PRKCB: variants seen among roughly 807,000 people sequenced by gnomAD.
PRKCB encodes protein kinase C beta type.
In PRKCB, 13 loss-of-function variants were observed where a neutral mutation model predicts 81.5. The observed-to-expected ratio is 0.16, with a 90% CI of 0.10 to 0.25. The LOEUF (loss-of-function observed/expected upper bound fraction) is 0.25. Ranked by LOEUF, PRKCB falls within the 10% of genes least tolerant of loss-of-function variation. The pLI, the probability that PRKCB is intolerant of heterozygous loss-of-function variation, is 1.00. For synonymous variants in PRKCB, 335 were observed against 321.4 expected (o/e 1.04, Z -0.45); for missense variants, 509 against 875.7 (o/e 0.58, Z 5.29).
intron 2 of PRKCB, among the ~76,000 whole-genome samples, chr16:23,881,478 C>T (rs770279067): frequency 7.9e-5 from 12 of 152,110 alleles, no homozygotes; most frequent in Non-Finnish European, 1.3e-4. Flanking sequence ...TCTTGAACTC[C>T]TAGCCTCAAG....
chr16:23,866,809 T>G (rs918932234), intron 2 of PRKCB, among the ~76,000 whole-genome samples: 5 of 152,164 alleles, frequency 3.3e-5, no homozygotes. Flanking sequence ...TGTGTTTCCG[T>G]CTCACTGCAT....
chr16:24,163,430 A>T (rs960287904), intron 10 of PRKCB, among the ~76,000 whole-genome samples: 2 of 152,228 alleles, frequency 1.3e-5, no homozygotes, highest in Non-Finnish European at 2.9e-5. Context: ...CCAGGCAAAT[A>T]GAGCTGGGGC....
intron 7 of PRKCB, among the ~76,000 whole-genome samples, chr16:24,105,701 T>A (rs903973681): frequency 6.6e-6 from 1 of 152,226 alleles, no homozygotes; most frequent in Admixed American, 6.5e-5. Flanking sequence ...GCAAAGGACA[T>A]GAACTCATCC....
Position 23,912,507 on chromosome 16 carries a change from C to CTTTTTTTTTTTTTTTTTTTT in PRKCB, c.205+75105_205+75124dup, listed in dbSNP as rs1210105406. Among the ~76,000 whole-genome samples, 50 of 72,086 alleles carry CTTTTTTTTTTTTTTTTTTTT rather than the reference C, an allele frequency of 6.9e-4. 3 individuals carry two copies. The highest frequency in any genetic ancestry group is 7.8e-4 in the Non-Finnish European group (33 of 42,190). 47.3% of individuals were successfully genotyped at this position (72,086 alleles called of 152,430 possible). ...TCTTCTTTTCCTTTCTTTCTTTCTTCTTTTTTTTTTTTTTTTTTTTTTTGA... is the reference window on the plus strand; with the variant it reads ...TCTTCTTTTCCTTTCTTTCTTTCTTCTTTTTTTTTTTTTTTTTTTTTTTTTTTTTTTTTTTTTTTTTTTGA... On this transcript the variant is annotated intron_variant, in intron 2 of 16. Transcript: ENST00000643927.
At chr16:24,125,637 C>T (rs1408486589) in intron 9 of PRKCB, among the ~76,000 whole-genome samples, 1 of 152,180 alleles carries the variant, frequency 6.6e-6, no homozygotes, top group East Asian at 1.9e-4. Context: ...TTGATTTTTT[C>T]TCTCTTCCCT....
chr16:24,009,485 C>T (rs1307716583), intron 3 of PRKCB, among the ~76,000 whole-genome samples: 5 of 148,112 alleles, frequency 3.4e-5, no homozygotes, highest in East Asian at 2.0e-4. Context: ...AGTGCAATGG[C>T]GTGATCCTGG....
intron 2 of PRKCB, among the ~76,000 whole-genome samples, chr16:23,965,045 G>A (rs1360010068): frequency 6.6e-6 from 1 of 152,140 alleles, no homozygotes; most frequent in Non-Finnish European, 1.5e-5. Flanking sequence ...ACATGTACAG[G>A]TTTGTTACAT....
rs536012196 is a variant in PRKCB at position 24,193,251 on chromosome 16, T to G, written c.1863+2021T>G. Among the ~76,000 whole-genome samples the G allele has an allele frequency of 3.5e-3, 533 of 152,052 alleles. 3 individuals carry two copies. The highest frequency in any genetic ancestry group is 6.8e-3 in the Middle Eastern group (2 of 294). ...TGAGCTCAGGAGTTCGAGATCAGCC[T>G]GGCCAACGTGGTAAAACCCCATCTC... On this transcript the variant is annotated intron_variant, in intron 16 of 16. Coordinates refer to ENST00000643927, the MANE Select transcript of PRKCB (RefSeq NM_002738.7).
At chr16:24,091,568 C>T (rs1474001012) in intron 5 of PRKCB, among the ~76,000 whole-genome samples, 2 of 152,086 alleles carry the variant, frequency 1.3e-5, no homozygotes, top group Non-Finnish European at 2.9e-5. Context: ...TTTCTATAGC[C>T]AGTTGCATCT....
intron 3 of PRKCB, among the ~76,000 whole-genome samples, chr16:24,021,741 G>T (rs1965407778): frequency 6.6e-6 from 1 of 152,076 alleles, no homozygotes; most frequent in Non-Finnish European, 1.5e-5. Flanking sequence ...CCTTGGGCAA[G>T]TTACTTCTCT....
chr16:23,909,657 C>T (rs1379901285), intron 2 of PRKCB, among the ~76,000 whole-genome samples: 2 of 152,128 alleles, frequency 1.3e-5, no homozygotes, highest in South Asian at 2.1e-4. Flanking sequence ...ACTCTATGTC[C>T]GTGCACACAC....
At chr16:23,946,778 A>G (rs1172510301) in intron 2 of PRKCB, among the ~76,000 whole-genome samples, 3 of 152,032 alleles carry the variant, frequency 2.0e-5, no homozygotes, top group African/African-American at 4.8e-5. Context: ...CTGGAATCCT[A>G]CATTTCTAAC....
intron 5 of PRKCB, among the ~76,000 whole-genome samples, chr16:24,046,846 C>CCCAAAA (rs1965772538): frequency 6.6e-6 from 1 of 152,022 alleles, no homozygotes; most frequent in Admixed American, 6.6e-5. Flanking sequence ...GTGTTTAGGC[C>CCCAAAA]CCAAAACCAC....
At chr16:23,858,822 G>A (rs1447575460) in intron 2 of PRKCB, among the ~76,000 whole-genome samples, 1 of 152,188 alleles carries the variant, frequency 6.6e-6, no homozygotes, top group Non-Finnish European at 1.5e-5. Flanking sequence ...GAGGCACTGA[G>A]CTGGATGCTT....
At chr16:24,120,067 A>G (rs1966781437) in intron 8 of PRKCB, among the ~76,000 whole-genome samples, 1 of 152,204 alleles carries the variant, frequency 6.6e-6, no homozygotes, top group African/African-American at 2.4e-5. Context: ...CATTTCAAGA[A>G]CATTTTGATG....
rs186347531 is a variant in PRKCB at position 24,006,189 on chromosome 16, A to G, written c.288+17599A>G. ...CAGTCCATAGCTTCTGAATCCACAC[A>G]GAAGTTCTCGTGGGCGATACCAAAT... is the stretch of plus-strand genomic sequence containing the variant. On this transcript the variant is annotated intron_variant, in intron 3 of 16. Transcript: ENST00000643927. 6.7e-4 allele frequency among the ~76,000 whole-genome samples: 102 copies of G among 152,324 alleles called. 1 individual carries two copies. Among genetic ancestry groups the G allele is most frequent in the African/African-American group, 2.4e-3 (98 of 41,582 alleles).
rs540973758 is a variant in PRKCB at position 24,104,089 on chromosome 16, G to T, written c.822-8884G>T. ...CAAAGTGCTGGGATTACAGATGTGA[G>T]ACACCACGCCCAGCTAAGGTCCAGA... On this transcript the variant is annotated intron_variant, in intron 7 of 16. Coordinates refer to ENST00000643927, the MANE Select transcript of PRKCB (RefSeq NM_002738.7). Among the ~76,000 whole-genome samples the T allele has an allele frequency of 1.5e-4, 23 of 152,272 alleles. No homozygotes were observed. In the South Asian group the frequency reaches 3.7e-3, roughly 25 times the overall value.
At chr16:24,124,839 A>G (rs1966839850) in intron 9 of PRKCB, among the ~76,000 whole-genome samples, 1 of 152,110 alleles carries the variant, frequency 6.6e-6, no homozygotes, top group Admixed American at 6.6e-5. Context: ...TCTTTCCTGT[A>G]TTCCCACTGT....
rs114096219 is a variant in PRKCB at position 23,952,501 on chromosome 16, C to T, written c.206-36007C>T. Among the ~76,000 whole-genome samples the T allele has an allele frequency of 4.8e-3, 733 of 152,180 alleles. 12 individuals are homozygous for T. Among genetic ancestry groups the T allele is most frequent in the African/African-American group, 0.016 (675 of 41,526 alleles). On this transcript the variant is annotated intron_variant, in intron 2 of 16. Coordinates refer to ENST00000643927, the MANE Select transcript of PRKCB (RefSeq NM_002738.7). ...AAAGAGATGAGGGGGTGTTTAGAATCGTTGCAATGTATTGCATTTGTTTCT... is the reference window on the plus strand; with the variant it reads ...AAAGAGATGAGGGGGTGTTTAGAATTGTTGCAATGTATTGCATTTGTTTCT...
Sources: allele counts gnomAD v4.1 joint callset (sites outside exome capture counted in the v4.1 genomes callset), GRCh38; gene constraint gnomAD v4.1.1; transcripts MANE v1.5; gene names NCBI Gene and HGNC (gene_info 2026-07-23, HGNC 2026-07-21).